SLC8A3: variants seen among roughly 807,000 people sequenced by gnomAD.
SLC8A3 encodes solute carrier family 8 member A3, also known as sodium/calcium exchanger 3.
In SLC8A3, 37 loss-of-function variants were observed where a neutral mutation model predicts 65.4. That is an observed-to-expected ratio of 0.57 (90% CI 0.44 to 0.74). The LOEUF is 0.74. Among genes scored for constraint, SLC8A3 ranks in the 30% least tolerant of loss-of-function variants. SLC8A3 has a pLI of 0.00. For synonymous variants in SLC8A3, 461 were observed against 444.5 expected (o/e 1.04, Z -0.47); for missense variants, 1,112 against 1,172.1 (o/e 0.95, Z 0.75).
chr14:70,115,562 A>G (rs1445159455), intron 2 of SLC8A3, among the ~76,000 whole-genome samples: 1 of 152,208 alleles, frequency 6.6e-6, no homozygotes, highest in Non-Finnish European at 1.5e-5. Flanking sequence ...GGCCTGACAC[A>G]TATCAGGTGC....
At chr14:70,118,771 T>C (rs892548561) in intron 2 of SLC8A3, among the ~76,000 whole-genome samples, 2 of 152,154 alleles carry the variant, frequency 1.3e-5, no homozygotes, top group Non-Finnish European at 2.9e-5. Flanking sequence ...AAATGGAGTT[T>C]GGGATGTTCT....
Position 70,170,707 on chromosome 14 carries a change from C to A in SLC8A3, c.-62-2223G>T, listed in dbSNP as rs144671173. Among the ~76,000 whole-genome samples, 65 of 152,290 alleles carry A rather than the reference C, an allele frequency of 4.3e-4. No homozygotes were observed. The East Asian group carries it at 0.011, about 25-fold the overall frequency. ...CAAAGCCTGTGCTCAAAGAGAAATT[C>A]TCTTCGGGACACAAAACATCAGGGT... On this transcript the variant is annotated intron_variant, in intron 1 of 6. Coordinates refer to ENST00000356921, the MANE Select transcript of SLC8A3 (RefSeq NM_182932.3).
At chr14:70,126,860 G>T (rs1291061630) in intron 2 of SLC8A3, among the ~76,000 whole-genome samples, 1 of 151,764 alleles carries the variant, frequency 6.6e-6, no homozygotes, top group Non-Finnish European at 1.5e-5. Flanking sequence ...TTTCAGTTTT[G>T]GATTAGGGAT....
intron 2 of SLC8A3, among the ~76,000 whole-genome samples, chr14:70,098,238 C>T (rs1398989255): frequency 2.6e-5 from 4 of 152,192 alleles, no homozygotes; most frequent in African/African-American, 7.2e-5. Flanking sequence ...AAAAGAGGTG[C>T]TCCATCCTTC....
At chr14:70,050,954 C>G in intron 5 of SLC8A3, 54 bp downstream of exon 5, 1 of 1,176,398 alleles carries the variant, frequency 8.5e-7, no homozygotes, top group Non-Finnish European at 1.3e-6. Flanking sequence ...TTTACGCTTC[C>G]TTCTCAGAGG....
At chr14:70,151,891 G>T (rs1053833487) in intron 2 of SLC8A3, among the ~76,000 whole-genome samples, 47 of 150,810 alleles carry the variant, frequency 3.1e-4, no homozygotes, top group African/African-American at 1.2e-3. Flanking sequence ...AAGGATACCA[G>T]TCATAGGATC....
chr14:70,068,659 C>T (rs1272858881), intron 2 of SLC8A3, among the ~76,000 whole-genome samples: 2 of 152,170 alleles, frequency 1.3e-5, no homozygotes, highest in African/African-American at 4.8e-5. Context: ...GCTGGGATTA[C>T]AGGCATAAGT....
chr14:70,051,327 T>C (rs7152295), intron 4 of SLC8A3, among the ~76,000 whole-genome samples: 27,742 of 152,168 alleles, frequency 0.18, 2,823 homozygotes, highest in East Asian at 0.4. Flanking sequence ...GGGTCTCACT[T>C]TGTCACCCAG....
At position 70,044,510 on chromosome 14, in the gene SLC8A3, A is replaced by C. The variant is rs963543966; in HGVS notation, c.*1437T>G. On this transcript the variant is annotated 3_prime_UTR_variant, in exon 7 of 7. Coordinates refer to ENST00000356921, the MANE Select transcript of SLC8A3 (RefSeq NM_182932.3). ...TGTTTTAAAGCCAGGTCCTTCCCACATTCGTTGAGAAAAGGTCTGTAGGGC... is the reference window on the plus strand; with the variant it reads ...TGTTTTAAAGCCAGGTCCTTCCCACCTTCGTTGAGAAAAGGTCTGTAGGGC... 2.6e-5 allele frequency: 4 copies of C among 151,822 alleles called. No homozygotes were observed. In the East Asian group the frequency reaches 7.8e-4, roughly 29 times the overall value. The allele number at this position is 151,822 out of a possible 1,614,324, so 9.4% of individuals were successfully genotyped here.
At chr14:70,051,924 C>T in intron 4 of SLC8A3, 66 bp downstream of exon 4, 1 of 1,422,694 alleles carries the variant, frequency 7.0e-7, no homozygotes, top group East Asian at 2.4e-5. Context: ...GAAAAAAACA[C>T]CCCAGGTCTT....
At chr14:70,080,165 A>G in intron 2 of SLC8A3, 2 of 985,320 alleles carry the variant, frequency 2.0e-6, no homozygotes, top group Non-Finnish European at 2.4e-6. Context: ...TCTAGCTGTC[A>G]TTCCCTAGGT....
At chr14:70,054,686 C>G (rs189077232) in intron 3 of SLC8A3, among the ~76,000 whole-genome samples, 3 of 152,014 alleles carry the variant, frequency 2.0e-5, no homozygotes, top group Non-Finnish European at 4.4e-5. Flanking sequence ...AAAAAAGAAG[C>G]AAAAAGCCAA....
At chr14:70,090,589 C>T (rs371475413) in intron 2 of SLC8A3, among the ~76,000 whole-genome samples, 45 of 152,288 alleles carry the variant, frequency 3.0e-4, no homozygotes, top group African/African-American at 1.0e-3. Context: ...CATATTCCTT[C>T]CTGCCACAGG....
chr14:70,156,922 G>A (rs779821589), intron 2 of SLC8A3, among the ~76,000 whole-genome samples: 7 of 152,194 alleles, frequency 4.6e-5, no homozygotes, highest in Non-Finnish European at 8.8e-5. Flanking sequence ...TGAAAACGAC[G>A]GAAGATTATC....
At chr14:70,175,161 C>T (rs1464207684) in intron 1 of SLC8A3, among the ~76,000 whole-genome samples, 1 of 152,138 alleles carries the variant, frequency 6.6e-6, no homozygotes, top group African/African-American at 2.4e-5. Flanking sequence ...GCCTCCGTCT[C>T]CTCATTCTTT....
At chr14:70,112,889 T>A (rs1205748971) in intron 2 of SLC8A3, among the ~76,000 whole-genome samples, 1 of 140,038 alleles carries the variant, frequency 7.1e-6, no homozygotes, top group Non-Finnish European at 1.6e-5. Flanking sequence ...CCTGTCTGTG[T>A]TCCTTTTCCT....
At chr14:70,182,608 A>AT (rs1324152663) in intron 1 of SLC8A3, among the ~76,000 whole-genome samples, 8 of 152,144 alleles carry the variant, frequency 5.3e-5, no homozygotes, top group Admixed American at 1.3e-4. Context: ...AAGTCATTAT[A>AT]TTTTGGGGAA....
chr14:70,179,272 T>C (rs1435621312), intron 1 of SLC8A3, among the ~76,000 whole-genome samples: 1 of 152,220 alleles, frequency 6.6e-6, no homozygotes, highest in African/African-American at 2.4e-5. Context: ...CTTTTCGTTT[T>C]CTTTACAGCC....
At chr14:70,141,651 A>G (rs1895585638) in intron 2 of SLC8A3, among the ~76,000 whole-genome samples, 1 of 152,152 alleles carries the variant, frequency 6.6e-6, no homozygotes, top group Admixed American at 6.5e-5. Context: ...AACCTCTTAC[A>G]CTTGTCAACA....
Sources: allele counts gnomAD v4.1 joint callset (sites outside exome capture counted in the v4.1 genomes callset), GRCh38; gene constraint gnomAD v4.1.1; transcripts MANE v1.5; gene names NCBI Gene and HGNC (gene_info 2026-07-23, HGNC 2026-07-21).